Variants in NIPAL3 observed in about 807,000 individuals in gnomAD.
The protein encoded by NIPAL3 is NIPA-like protein 3.
A neutral mutation model predicts 47.2 loss-of-function variants in NIPAL3; 41 were observed. That is an observed-to-expected ratio of 0.87 (90% CI 0.68 to 1.13). The LOEUF is 1.13. NIPAL3 is among the 50% of genes most tolerant of loss of function. The pLI is 0.00. For synonymous variants in NIPAL3, 194 were observed against 209.6 expected (o/e 0.93, Z 0.64); for missense variants, 449 against 530.1 (o/e 0.85, Z 1.50).
In NIPAL3 at chr1:24,469,275, G is replaced by A. The variant is rs1646827806; in HGVS notation, c.*90G>A. 6 of 1,074,266 alleles carry A rather than the reference G, an allele frequency of 5.6e-6. No homozygotes were observed. Among genetic ancestry groups the A allele is most frequent in the Middle Eastern group, 5.7e-4 (2 of 3,510 alleles). 66.5% of individuals were successfully genotyped at this position (1,074,266 alleles called of 1,614,324 possible). ...AAACTTGCCTTTCAAGTCTCATTTTGTTTCTAACTGAGAACTCTATGGATG... is the reference window on the plus strand; with the variant it reads ...AAACTTGCCTTTCAAGTCTCATTTTATTTCTAACTGAGAACTCTATGGATG... On this transcript the variant is annotated 3_prime_UTR_variant, in exon 12 of 12. Transcript: ENST00000374399.
At position 24,469,278 on chromosome 1, in the gene NIPAL3, T is replaced by C. The variant is rs1226183833; in HGVS notation, c.*93T>C. 1.9e-6 allele frequency: 2 copies of C among 1,042,092 alleles called. No homozygotes were observed. Among genetic ancestry groups the C allele is most frequent in the Non-Finnish European group, 2.8e-6 (2 of 725,946 alleles). The allele number at this position is 1,042,092 out of a possible 1,614,324, so 64.6% of individuals were successfully genotyped here. A position where few individuals can be genotyped will look rare whatever the true frequency, so the allele number is the denominator to read the frequency against. ...CTTGCCTTTCAAGTCTCATTTTGTT[T>C]CTAACTGAGAACTCTATGGATGATG... On this transcript the variant is annotated 3_prime_UTR_variant, in exon 12 of 12. Transcript: ENST00000374399.
chr1:24,469,212 T>C lies in NIPAL3; in HGVS notation c.*27T>C, dbSNP rs200497617. On this transcript the variant is annotated 3_prime_UTR_variant, in exon 12 of 12. Coordinates refer to ENST00000374399, the MANE Select transcript of NIPAL3 (RefSeq NM_020448.5). ...ACTCGCCTCCCTCTATTTATAACTG[T>C]CCCCTCCAGGCTGACAGTGGTTCAA... 364 of 1,594,916 alleles carry C rather than the reference T, an allele frequency of 2.3e-4. 1 individual carries two copies. The African/African-American group carries it at 4.4e-3, about 19-fold the overall frequency.
rs1302111457 is a variant in NIPAL3 at position 24,470,017 on chromosome 1, ATG to A, written c.*836_*837del. The A allele has an allele frequency of 6.6e-6, 1 of 152,174 alleles. No individual in the cohort carries two copies. 9.4% of individuals were successfully genotyped at this position (152,174 alleles called of 1,614,324 possible). ...GATAGGTAGAAAATCTGGCCATTTT[ATG>A]TGTTATTTTTTTCCTGCATACCAGT... On this transcript the variant is annotated 3_prime_UTR_variant, in exon 12 of 12. Transcript: ENST00000374399.
chr1:24,437,870 G>T (rs1158796956), intron 2 of NIPAL3, among the ~76,000 whole-genome samples: 1 of 152,132 alleles, frequency 6.6e-6, no homozygotes. Context: ...CAAAATCAGG[G>T]TGTCGTTTAT....
intron 7 of NIPAL3, among the ~76,000 whole-genome samples, chr1:24,455,319 G>A (rs77568201): frequency 0.014 from 2,104 of 152,286 alleles, 54 homozygotes; most frequent in African/African-American, 0.049. Context: ...AGGATGCTTC[G>A]CTGGGTACAC....
intron 2 of NIPAL3, among the ~76,000 whole-genome samples, chr1:24,436,746 G>C (rs967555066): frequency 6.6e-6 from 1 of 151,826 alleles, no homozygotes; most frequent in South Asian, 2.1e-4. Flanking sequence ...TGATTCACCC[G>C]CCTTGGCCTC....
chr1:24,430,057 C>T (rs1220647706), intron 2 of NIPAL3, among the ~76,000 whole-genome samples: 2 of 152,094 alleles, frequency 1.3e-5, no homozygotes, highest in Non-Finnish European at 2.9e-5. Flanking sequence ...ATAAGACTTT[C>T]TTTAAAAATT....
In NIPAL3 at chr1:24,462,374, C is replaced by T. The variant is rs377433932; in HGVS notation, c.927-1652C>T. ...TGAGTATTTATATAGTAGCTTTATT[C>T]ATCATAGGTCTAAATTGGAAACAAC... On this transcript the variant is annotated intron_variant, in intron 10 of 11. Coordinates refer to ENST00000374399, the MANE Select transcript of NIPAL3 (RefSeq NM_020448.5). 9.9e-5 allele frequency among the ~76,000 whole-genome samples: 15 copies of T among 152,272 alleles called. No homozygotes were observed. In the East Asian group the frequency reaches 2.9e-3, roughly 29 times the overall value.
chr1:24,460,363 T>C, intron 9 of NIPAL3, 118 bp from the exon 10 acceptor site: 1 of 783,094 alleles, frequency 1.3e-6, no homozygotes, highest in Non-Finnish European at 2.0e-6. Flanking sequence ...GGCACAGTCA[T>C]AAGTTTTGAT....
At chr1:24,420,012 G>C (rs912496355) in intron 2 of NIPAL3, 4 of 185,570 alleles carry the variant, frequency 2.2e-5, no homozygotes, top group African/African-American at 9.6e-5. Flanking sequence ...AACCAAGGAG[G>C]TGGAGGTTGC....
intron 2 of NIPAL3, among the ~76,000 whole-genome samples, chr1:24,422,414 G>A (rs1570177693): frequency 6.6e-6 from 1 of 152,028 alleles, no homozygotes; most frequent in Admixed American, 6.5e-5. Flanking sequence ...AAATGAAGAG[G>A]TAGAGTTCAT....
At chr1:24,460,275 G>A (rs1212702601) in intron 9 of NIPAL3, among the ~76,000 whole-genome samples, 2 of 152,104 alleles carry the variant, frequency 1.3e-5, no homozygotes, top group Admixed American at 1.3e-4. Flanking sequence ...AAAACAACAT[G>A]GAGATCAGAG....
intron 11 of NIPAL3, among the ~76,000 whole-genome samples, chr1:24,468,337 TAAAC>T (rs946490912): frequency 1.3e-4 from 20 of 151,878 alleles, no homozygotes; most frequent in East Asian, 7.7e-4. Context: ...AATAAATAAA[TAAAC>T]AAACAAACTG....
rs568777996 is a variant in NIPAL3, at chr1:24,451,990, T to C, written c.541-1418T>C. On this transcript the variant is annotated intron_variant, in intron 6 of 11. Transcript: ENST00000374399. This position sits in a 1 kb window ranked among gnomAD's most constrained non-coding sequence, Gnocchi z 4.5. ...AGAAACGGGGAAATGAAAGCAGCTGTGTTTTATGGTCTCTAATTAGAAGGA... is the reference window on the plus strand; with the variant it reads ...AGAAACGGGGAAATGAAAGCAGCTGCGTTTTATGGTCTCTAATTAGAAGGA... Among the ~76,000 whole-genome samples, 4 of 152,314 alleles carry C rather than the reference T, an allele frequency of 2.6e-5. No individual in the cohort carries two copies. Among genetic ancestry groups the C allele is most frequent in the African/African-American group, 9.6e-5 (4 of 41,574 alleles).
intron 2 of NIPAL3, among the ~76,000 whole-genome samples, chr1:24,434,866 T>C (rs1645028422): frequency 6.6e-6 from 1 of 151,666 alleles, no homozygotes; most frequent in Admixed American, 6.6e-5. Context: ...ATGAAAAAAA[T>C]CACAAGGGAA....
intron 1 of NIPAL3, among the ~76,000 whole-genome samples, chr1:24,418,920 G>GTT (rs57731517): frequency 2.6e-4 from 35 of 133,884 alleles, no homozygotes; most frequent in Admixed American, 1.5e-3. Context: ...TAGTGGAATT[G>GTT]TTTTTTTTTT....
chr1:24,426,756 C>T (rs1350877140), intron 2 of NIPAL3, among the ~76,000 whole-genome samples: 1 of 152,136 alleles, frequency 6.6e-6, no homozygotes, highest in Admixed American at 6.5e-5. Flanking sequence ...TGCCTTCTCC[C>T]CTCTCTTCCA....
At chr1:24,467,636 T>C (rs1646753991) in intron 11 of NIPAL3, among the ~76,000 whole-genome samples, 1 of 152,216 alleles carries the variant, frequency 6.6e-6, no homozygotes, top group South Asian at 2.1e-4. Context: ...TCAAATGAGA[T>C]AGAACTTTAT....
chr1:24,424,376 C>T (rs952602554), intron 2 of NIPAL3, among the ~76,000 whole-genome samples: 2 of 152,120 alleles, frequency 1.3e-5, no homozygotes, highest in Admixed American at 6.6e-5. Flanking sequence ...AATGAAAAAG[C>T]ACCTAACACA....
Sources: gnomAD v4.1 joint callset for allele counts (sites outside exome capture counted in the v4.1 genomes callset) on GRCh38, gnomAD v4.1.1 for gene constraint, Gnocchi (gnomAD v3.1) non-coding constraint, MANE v1.5 for transcripts, NCBI Gene and HGNC (gene_info 2026-07-23, HGNC 2026-07-21) for gene names.